The following LMLN variants were observed in gnomAD, a reference collection of about 807,000 sequenced individuals.
LMLN encodes leishmanolysin like peptidase, also known as leishmanolysin-like peptidase.
A neutral mutation model predicts 92.3 loss-of-function variants in LMLN; 70 were observed. The observed-to-expected ratio is 0.76, with a 90% CI of 0.63 to 0.92. LMLN has a LOEUF of 0.92. Among genes scored for constraint, LMLN ranks in the 40% least tolerant of loss-of-function variants. The pLI is 0.00. For missense variants in LMLN, 691 were observed against 814.6 expected (o/e 0.85, Z 1.85); for synonymous variants, 308 against 296.2 (o/e 1.04, Z -0.41).
chr3:197,984,917 TC>T (rs886430152), intron 7 of LMLN, among the ~76,000 whole-genome samples: 8 of 151,296 alleles, frequency 5.3e-5, no homozygotes, highest in South Asian at 4.2e-4. Context: ...GCTCAAGTGA[TC>T]CCCCCCGCCT....
chr3:198,031,587 A>G lies in LMLN; in HGVS notation c.1657-4246A>G, dbSNP rs186183924. Among the ~76,000 whole-genome samples the G allele has an allele frequency of 6.6e-6, 1 of 152,232 alleles. No individual in the cohort carries two copies. The highest frequency in any genetic ancestry group is 2.4e-5 in the African/African-American group (1 of 41,550). ...GTGCAGGAAAAAAAGAAAGAAAATT[A>G]TTTTCCATCAGAATTCTGAAAGCAT... is the stretch of plus-strand genomic sequence containing the variant. On this transcript the variant is annotated intron_variant, in intron 14 of 15. Transcript: ENST00000330198. This position sits in a 1 kb window ranked among gnomAD's most constrained non-coding sequence, Gnocchi z 4.8.
chr3:197,974,703 A>G (rs1721319949), intron 2 of LMLN, among the ~76,000 whole-genome samples: 3 of 152,358 alleles, frequency 2.0e-5, no homozygotes, highest in East Asian at 1.9e-4. Context: ...TTCCTGGTCA[A>G]TCATGAATAA....
intron 12 of LMLN, among the ~76,000 whole-genome samples, chr3:198,020,467 A>C (rs1462529295): frequency 1.3e-5 from 2 of 152,252 alleles, no homozygotes; most frequent in Non-Finnish European, 2.9e-5. Flanking sequence ...AATGCTTCAG[A>C]TACCATAAAA....
chr3:197,994,794 T>TG (rs1266073606), intron 9 of LMLN: 11 of 152,220 alleles, frequency 7.2e-5, no homozygotes, highest in Admixed American at 7.2e-4. Context: ...TATGGAAAAC[T>TG]GGAAGTTCTT....
intron 10 of LMLN, among the ~76,000 whole-genome samples, chr3:197,996,997 T>C (rs1722039673): frequency 6.7e-6 from 1 of 149,182 alleles, no homozygotes; most frequent in Admixed American, 6.6e-5. Context: ...TTTTGTTTTT[T>C]TTCTTTTCTT....
At chr3:198,027,955 G>T (rs1722979927) in intron 14 of LMLN, among the ~76,000 whole-genome samples, 2 of 152,146 alleles carry the variant, frequency 1.3e-5, no homozygotes, top group South Asian at 4.2e-4. Flanking sequence ...TTGTTGAGGG[G>T]TTTTTGGTGT....
At chr3:198,029,887 T>C (rs1176239792) in intron 14 of LMLN, among the ~76,000 whole-genome samples, 1 of 152,032 alleles carries the variant, frequency 6.6e-6, no homozygotes, top group Non-Finnish European at 1.5e-5. Flanking sequence ...TCTCCCAGGC[T>C]GGAGTGCAGG....
At chr3:197,997,221 C>T (rs1461181047) in intron 10 of LMLN, among the ~76,000 whole-genome samples, 24 of 152,166 alleles carry the variant, frequency 1.6e-4, no homozygotes, top group Non-Finnish European at 2.9e-5. Context: ...CCTCAATCTC[C>T]TGGGCTCAAA....
chr3:197,985,390 T>TACACACACACAC (rs142039210), intron 7 of LMLN, among the ~76,000 whole-genome samples: 43 of 142,476 alleles, frequency 3.0e-4, no homozygotes, highest in African/African-American at 1.0e-3. Context: ...TTTCATAATG[T>TACACACACACAC]ACACACACAC....
At chr3:198,024,949 G>A (rs1722888617) in intron 14 of LMLN, among the ~76,000 whole-genome samples, 161 bp downstream of exon 15, 1 of 152,082 alleles carries the variant, frequency 6.6e-6, no homozygotes, top group Non-Finnish European at 1.5e-5. Flanking sequence ...TATGTTTTAT[G>A]AAAATATTGT....
At chr3:198,014,734 C>A (rs1468623690) in intron 11 of LMLN, among the ~76,000 whole-genome samples, 1 of 143,562 alleles carries the variant, frequency 7.0e-6, no homozygotes, top group Non-Finnish European at 1.5e-5. Context: ...TCTTCAGAGC[C>A]CCCTAACTAG....
intron 1 of LMLN, among the ~76,000 whole-genome samples, chr3:197,968,243 G>T (rs1190228262): frequency 2.0e-5 from 3 of 152,020 alleles, no homozygotes; most frequent in Non-Finnish European, 2.9e-5. Context: ...GAGGCGGGCG[G>T]ATCACGAGGT....
At chr3:198,028,000 A>G (rs922979332) in intron 14 of LMLN, among the ~76,000 whole-genome samples, 27 of 152,134 alleles carry the variant, frequency 1.8e-4, no homozygotes, top group Admixed American at 4.6e-4. Context: ...TTATTAATAG[A>G]CTTTATTTTT....
At chr3:198,017,789 C>T (rs1252636434) in intron 11 of LMLN, among the ~76,000 whole-genome samples, 2 of 152,078 alleles carry the variant, frequency 1.3e-5, no homozygotes, top group Non-Finnish European at 2.9e-5. Context: ...TAGTGGGACA[C>T]ACCTGTAGTC....
At position 197,996,087 on chromosome 3, in the gene LMLN, CTTA is replaced by C. The variant is rs1722009002; in HGVS notation, c.1048-83_1048-81del. The stretch of plus-strand genomic sequence containing the variant: ...CAACAAAGTAATTCTTTAATGTTAA[CTTA>C]TTATATTCATGTGATGAAAAGTTTG... On this transcript the variant is annotated intron_variant, in intron 9 of 15. Transcript: ENST00000330198. The C allele has an allele frequency of 8.9e-6, 5 of 563,980 alleles. No individual in the cohort carries two copies. In the Admixed American group the frequency reaches 1.7e-4, roughly 19 times the overall value. The allele number at this position is 563,980 out of a possible 1,614,324, so 34.9% of individuals were successfully genotyped here. A position where few individuals can be genotyped will look rare whatever the true frequency, so the allele number is the denominator to read the frequency against.
At chr3:198,018,929 T>C (rs116362129) in intron 11 of LMLN, among the ~76,000 whole-genome samples, 14 of 152,366 alleles carry the variant, frequency 9.2e-5, no homozygotes, top group Non-Finnish European at 1.8e-4. Flanking sequence ...AAATTATACT[T>C]TCAAGATTAC....
At chr3:198,002,923 A>G in intron 11 of LMLN, 92 bp from the exon 12 acceptor site, 1 of 713,514 alleles carries the variant, frequency 1.4e-6, no homozygotes, top group East Asian at 2.7e-5. Context: ...TTAAGGTCCT[A>G]ATGTGCTCAT....
At chr3:197,967,889 T>A (rs188416105) in intron 1 of LMLN, among the ~76,000 whole-genome samples, 1 of 152,326 alleles carries the variant, frequency 6.6e-6, no homozygotes, top group East Asian at 1.9e-4. Flanking sequence ...ATATCTTCCC[T>A]ACTTGCACAT....
intron 1 of LMLN, among the ~76,000 whole-genome samples, chr3:197,968,343 A>G (rs1025910735): frequency 6.6e-6 from 1 of 151,872 alleles, no homozygotes; most frequent in Non-Finnish European, 1.5e-5. Context: ...GGTGGCAGGC[A>G]CCTGTAGTCC....
Sources: allele counts gnomAD v4.1 joint callset (sites outside exome capture counted in the v4.1 genomes callset), GRCh38; gene constraint gnomAD v4.1.1; non-coding constraint Gnocchi (gnomAD v3.1); transcripts MANE v1.5; gene names NCBI Gene and HGNC (gene_info 2026-07-23, HGNC 2026-07-21).